QTMAN: variants seen among roughly 807,000 people sequenced by gnomAD.
The protein encoded by QTMAN is queuosine-tRNA mannosyltransferase, also known as tRNA-queuosine alpha-mannosyltransferase.
chr2:144,082,255 G>A, the QTMAN span, among the ~76,000 whole-genome samples: 4 of 152,104 alleles, frequency 2.6e-5, no homozygotes, highest in East Asian at 1.9e-4. Context: ...ATTTCTTTAT[G>A]GAAGAAGACT....
chr2:143,953,998 C>T, the QTMAN span, among the ~76,000 whole-genome samples: 35 of 151,920 alleles, frequency 2.3e-4, no homozygotes, highest in East Asian at 6.0e-3. Context: ...ATACTTAGTT[C>T]AAAGTTTTGC....
chr2:144,064,682 A>G, the QTMAN span, among the ~76,000 whole-genome samples: 1 of 152,236 alleles, frequency 6.6e-6, no homozygotes, highest in Non-Finnish European at 1.5e-5. Context: ...CTTTATATAA[A>G]AAATGCCATG....
At chr2:144,245,140 A>G in the QTMAN span, among the ~76,000 whole-genome samples, 1 of 152,258 alleles carries the variant, frequency 6.6e-6, no homozygotes, top group Non-Finnish European at 1.5e-5. Flanking sequence ...TAGCATCATG[A>G]AAGTTTCCAA....
At chr2:144,273,471 T>C in the QTMAN span, among the ~76,000 whole-genome samples, 3 of 152,090 alleles carry the variant, frequency 2.0e-5, no homozygotes, top group African/African-American at 7.2e-5. Flanking sequence ...CTGGTTCAAG[T>C]ACTAACCTTT....
chr2:144,304,131 C>T, the QTMAN span, among the ~76,000 whole-genome samples: 1 of 152,112 alleles, frequency 6.6e-6, no homozygotes, highest in Non-Finnish European at 1.5e-5. Flanking sequence ...GTCACAGAAG[C>T]CTGGAAGACA....
the QTMAN span, among the ~76,000 whole-genome samples, chr2:144,011,398 T>C: frequency 1.3e-5 from 2 of 152,152 alleles, no homozygotes; most frequent in African/African-American, 4.8e-5. Flanking sequence ...TTCATAGACA[T>C]GTTTAATATA....
the QTMAN span, among the ~76,000 whole-genome samples, chr2:144,102,231 G>A: frequency 7.2e-5 from 11 of 152,088 alleles, no homozygotes; most frequent in Admixed American, 3.3e-4. Flanking sequence ...CTATCAGTCC[G>A]GGAAAGATGG....
At chr2:144,138,805 A>G in the QTMAN span, among the ~76,000 whole-genome samples, 9 of 152,072 alleles carry the variant, frequency 5.9e-5, no homozygotes, top group African/African-American at 1.9e-4. Flanking sequence ...AAAAAAGGAG[A>G]AGGCATAATT....
the QTMAN span, among the ~76,000 whole-genome samples, chr2:144,013,547 C>T: frequency 2.6e-5 from 4 of 151,978 alleles, no homozygotes; most frequent in Non-Finnish European, 4.4e-5. Flanking sequence ...GACAAAAGGA[C>T]GTCTAAAAGA....
At chr2:144,043,632 CAA>C in the QTMAN span, among the ~76,000 whole-genome samples, 12 of 132,720 alleles carry the variant, frequency 9.0e-5, no homozygotes, top group Middle Eastern at 3.8e-3. Flanking sequence ...GACTCCGTCG[CAA>C]AAAAAAAAAA....
chr2:144,153,080 A>T, the QTMAN span, among the ~76,000 whole-genome samples: 1 of 152,178 alleles, frequency 6.6e-6, no homozygotes, highest in Admixed American at 6.6e-5. Flanking sequence ...TGAATTAGTC[A>T]GAGAGGGCTA....
chr2:144,006,853 C>CTG, the QTMAN span: 25 of 199,966 alleles, frequency 1.3e-4, no homozygotes, highest in South Asian at 3.0e-4. Flanking sequence ...TTTGTGATAA[C>CTG]TGTGTGTGTG....
At chr2:144,240,992 C>T in the QTMAN span, among the ~76,000 whole-genome samples, 1 of 152,182 alleles carries the variant, frequency 6.6e-6, no homozygotes, top group Admixed American at 6.5e-5. Context: ...TAAAAATCCA[C>T]ACTTAGGCCC....
chr2:143,967,708 G>A, the QTMAN span, among the ~76,000 whole-genome samples: 2 of 152,098 alleles, frequency 1.3e-5, no homozygotes, highest in African/African-American at 4.8e-5. Context: ...TTGTGGAAGC[G>A]CTAGATAAGA....
At chr2:144,049,956 T>A in the QTMAN span, among the ~76,000 whole-genome samples, 1 of 152,178 alleles carries the variant, frequency 6.6e-6, no homozygotes, top group African/African-American at 2.4e-5. Context: ...ATTGCAGACG[T>A]GGGAAAGAAG....
At chr2:144,255,823 A>C in the QTMAN span, among the ~76,000 whole-genome samples, 1 of 152,230 alleles carries the variant, frequency 6.6e-6, no homozygotes, top group African/African-American at 2.4e-5. Context: ...GTGTAACACA[A>C]AGAGCAAAAC....
At chr2:144,059,089 A>T in the QTMAN span, among the ~76,000 whole-genome samples, 1 of 152,254 alleles carries the variant, frequency 6.6e-6, no homozygotes, top group African/African-American at 2.4e-5. Context: ...CAGCAAGCAT[A>T]GCCCTCAGAT....
the QTMAN span, among the ~76,000 whole-genome samples, chr2:143,963,450 G>A: frequency 6.6e-6 from 1 of 151,318 alleles, no homozygotes; most frequent in Non-Finnish European, 1.5e-5. Context: ...GTATATACAA[G>A]TTGTATTTCT....
the QTMAN span, among the ~76,000 whole-genome samples, chr2:143,957,494 G>C: frequency 6.6e-6 from 1 of 152,074 alleles, no homozygotes; most frequent in African/African-American, 2.4e-5. Flanking sequence ...AGGCACAGAA[G>C]CAGAACCAAA....
Sources: gnomAD v4.1 joint callset for allele counts (sites outside exome capture counted in the v4.1 genomes callset) on GRCh38, gnomAD v4.1.1 for gene constraint, MANE v1.5 for transcripts, NCBI Gene and HGNC (gene_info 2026-07-23, HGNC 2026-07-21) for gene names.